Variants in GRIN2B observed in about 807,000 individuals in gnomAD.
GRIN2B encodes the protein glutamate ionotropic receptor NMDA type subunit 2B.
In GRIN2B, 5 loss-of-function variants were observed where a neutral mutation model predicts 114.5. That is an observed-to-expected ratio of 0.04 (90% CI 0.02 to 0.09). The LOEUF (loss-of-function observed/expected upper bound fraction) is 0.09. Ranked by LOEUF, GRIN2B falls within the 10% of genes least tolerant of loss-of-function variation. The probability of loss-of-function intolerance (pLI) is 1.00; values close to 1 mark genes in which losing one functional copy is unlikely to be tolerated. For missense variants in GRIN2B, 1,108 were observed against 1,943.5 expected, an observed-to-expected ratio of 0.57 and a Z score of 8.08; for synonymous variants, 787 against 745.1, an observed-to-expected ratio of 1.06 and a Z score of -0.92.
intron 2 of GRIN2B, among the ~76,000 whole-genome samples, chr12:13,926,162 C>G (rs1300293399): frequency 6.6e-6 from 1 of 152,034 alleles, no homozygotes; most frequent in Non-Finnish European, 1.5e-5. Flanking sequence ...ATTGAGAAGG[C>G]AGAAAATGAG....
At chr12:13,872,138 T>C (rs1045958206) in intron 2 of GRIN2B, among the ~76,000 whole-genome samples, 1 of 152,034 alleles carries the variant, frequency 6.6e-6, no homozygotes, top group Non-Finnish European at 1.5e-5. Context: ...TGATTCTAGA[T>C]TCAGATAATT....
chr12:13,624,624 G>T (rs1269600972), intron 5 of GRIN2B, among the ~76,000 whole-genome samples: 1 of 152,212 alleles, frequency 6.6e-6, no homozygotes, highest in Non-Finnish European at 1.5e-5. Context: ...GACTGCCTTT[G>T]GCCTATGACT....
intron 5 of GRIN2B, among the ~76,000 whole-genome samples, chr12:13,669,834 A>C (rs896861935): frequency 6.6e-6 from 1 of 152,136 alleles, no homozygotes; most frequent in African/African-American, 2.4e-5. Flanking sequence ...CTATTGTATA[A>C]ACACTGATTT....
intron 8 of GRIN2B, 131 bp downstream of exon 8, chr12:13,614,983 G>C: frequency 2.4e-6 from 2 of 818,034 alleles, no homozygotes; most frequent in Non-Finnish European, 4.3e-6. Flanking sequence ...CCTAAGTGAA[G>C]TCCCTGGCTG....
At chr12:13,713,244 G>A (rs1243974705) in intron 4 of GRIN2B, among the ~76,000 whole-genome samples, 1 of 151,738 alleles carries the variant, frequency 6.6e-6, no homozygotes, top group Non-Finnish European at 1.5e-5. Context: ...TCCACTTGAT[G>A]CTCTCCTTTT....
At chr12:13,686,984 C>A (rs750148630) in intron 4 of GRIN2B, among the ~76,000 whole-genome samples, 2 of 151,962 alleles carry the variant, frequency 1.3e-5, no homozygotes, top group African/African-American at 2.4e-5. Context: ...TCTGGGTGCA[C>A]CCCCCTCCCC....
chr12:13,607,229 TAATATATATTATATAAAA>T, intron 10 of GRIN2B, among the ~76,000 whole-genome samples: 2 of 97,428 alleles, frequency 2.1e-5, no homozygotes, highest in African/African-American at 4.8e-5. Flanking sequence ...ATAAAATATA[TAATATATATTATATAAAA>T]AATATATATT....
At chr12:13,894,195 A>G (rs937532735) in intron 2 of GRIN2B, among the ~76,000 whole-genome samples, 7 of 152,180 alleles carry the variant, frequency 4.6e-5, no homozygotes, top group African/African-American at 1.2e-4. Context: ...AAAAATGTGC[A>G]TACCTTTGAC....
Position 13,563,547 on chromosome 12 carries a change from C to T in GRIN2B, c.3691G>A (p.Gly1231Ser). 1 of 1,614,138 alleles carries T rather than the reference C, an allele frequency of 6.2e-7. No homozygotes were observed. The highest frequency in any genetic ancestry group is 8.5e-7 in the Non-Finnish European group (1 of 1,180,026). The change falls in exon 14 of 14, where the codon GGT becomes AGT. Residue 1231 changes from glycine to serine, a missense_variant. By Grantham distance (56) the Gly-to-Ser change is moderately conservative. Transcript: ENST00000609686. ...KLHNYSTTVT[G>S]QNSGRQACIR... ...CACGCCTGCCTGCCCGAGTTCTGAC[C>T]CGTCACCGTCGTGGAGTAGTTGTGC...
intron 4 of GRIN2B, among the ~76,000 whole-genome samples, chr12:13,714,110 A>G (rs1950436392): frequency 6.6e-6 from 1 of 151,824 alleles, no homozygotes; most frequent in Non-Finnish European, 1.5e-5. Flanking sequence ...TCTCTCAGGA[A>G]GTGGGAGGGC....
At chr12:13,962,640 C>T (rs895623425) in intron 2 of GRIN2B, among the ~76,000 whole-genome samples, 2 of 152,166 alleles carry the variant, frequency 1.3e-5, no homozygotes, top group Non-Finnish European at 2.9e-5. Context: ...GAGATGTACA[C>T]CAAGCAAATA....
chr12:13,971,283 T>C (rs1862907294), intron 2 of GRIN2B, among the ~76,000 whole-genome samples: 1 of 152,224 alleles, frequency 6.6e-6, no homozygotes, highest in South Asian at 2.1e-4. Flanking sequence ...AGTGTTTTTA[T>C]TCTTTTATAG....
intron 10 of GRIN2B, among the ~76,000 whole-genome samples, chr12:13,574,769 A>T (rs10845807): frequency 6.6e-6 from 1 of 152,254 alleles, no homozygotes; most frequent in Admixed American, 6.5e-5. Flanking sequence ...TAAAGGGTCT[A>T]GAATAGCCAA....
At chr12:13,678,462 G>T (rs1049532319) in intron 4 of GRIN2B, among the ~76,000 whole-genome samples, 1 of 152,060 alleles carries the variant, frequency 6.6e-6, no homozygotes, top group Non-Finnish European at 1.5e-5. Context: ...CCAGTTTCAT[G>T]TCCTTTCCTG....
chr12:13,967,533 A>G (rs140286127), intron 2 of GRIN2B, among the ~76,000 whole-genome samples: 8 of 152,364 alleles, frequency 5.3e-5, no homozygotes, highest in African/African-American at 1.9e-4. Flanking sequence ...AAATTGGTCA[A>G]TTCATGGAAA....
chr12:13,687,302 CAAGTCCCTTTTTTGTACTTTATTATTTA>C (rs1950181102), intron 4 of GRIN2B, among the ~76,000 whole-genome samples: 1 of 152,244 alleles, frequency 6.6e-6, no homozygotes, highest in East Asian at 1.9e-4. Flanking sequence ...TTTTTTTTAG[CAAGTCCCTTTTTTGTACTTTATTATTTA>C]AAGTAGGATA....
intron 2 of GRIN2B, among the ~76,000 whole-genome samples, chr12:13,879,675 T>C (rs762957745): frequency 3.3e-5 from 5 of 152,146 alleles, no homozygotes; most frequent in Non-Finnish European, 5.9e-5. Flanking sequence ...ATAGCACATA[T>C]ATCAGGCCTG....
chr12:13,638,236 C>A (rs1949683146), intron 5 of GRIN2B, among the ~76,000 whole-genome samples: 2 of 151,970 alleles, frequency 1.3e-5, no homozygotes. Flanking sequence ...CTCCCTTGAC[C>A]CTGTTTTTCA....
At chr12:13,968,498 A>G (rs1359403175) in intron 2 of GRIN2B, among the ~76,000 whole-genome samples, 1 of 152,182 alleles carries the variant, frequency 6.6e-6, no homozygotes, top group Non-Finnish European at 1.5e-5. Flanking sequence ...GGGTGGGGCC[A>G]AGATGGGATC....
Sources: allele counts gnomAD v4.1 joint callset (sites outside exome capture counted in the v4.1 genomes callset), GRCh38; gene constraint gnomAD v4.1.1; transcripts MANE v1.5; gene names NCBI Gene and HGNC (gene_info 2026-07-23, HGNC 2026-07-21).